Variants in CADM2 observed in about 807,000 individuals in gnomAD.
CADM2 encodes the protein cell adhesion molecule 2.
In CADM2, 12 loss-of-function variants were observed where a neutral mutation model predicts 49.8. The ratio of observed to expected loss-of-function variants is 0.24; its 90% CI spans 0.15 to 0.39. CADM2 has a LOEUF of 0.39. Among genes scored for constraint, CADM2 ranks in the 10% least tolerant of loss-of-function variants. CADM2 has a pLI of 1.00. For synonymous variants in CADM2, 214 were observed against 175.4 expected (o/e 1.22, Z -1.74); for missense variants, 378 against 492.3 (o/e 0.77, Z 2.20).
chr3:85,183,329 C>A (rs2040979704), intron 1 of CADM2, among the ~76,000 whole-genome samples: 1 of 152,084 alleles, frequency 6.6e-6, no homozygotes, highest in African/African-American at 2.4e-5. Context: ...ACACATTTTG[C>A]AATACATTCT....
intron 8 of CADM2, among the ~76,000 whole-genome samples, chr3:86,049,571 A>T (rs1737095411): frequency 3.9e-5 from 6 of 152,084 alleles, no homozygotes; most frequent in African/African-American, 1.2e-4. Flanking sequence ...AAGACTGGGT[A>T]ATTTATAACG....
intron 1 of CADM2, among the ~76,000 whole-genome samples, chr3:85,478,887 T>C (rs1418211634): frequency 6.6e-6 from 1 of 151,946 alleles, no homozygotes; most frequent in African/African-American, 2.4e-5. Context: ...GTTTTAAACA[T>C]TTATCAGTTA....
intron 1 of CADM2, among the ~76,000 whole-genome samples, chr3:85,143,310 C>T (rs1242623560): frequency 6.6e-6 from 1 of 151,984 alleles, no homozygotes; most frequent in Non-Finnish European, 1.5e-5. Flanking sequence ...TAGTGAGTCC[C>T]TGCTTCTACA....
At chr3:85,482,879 A>G (rs1559862527) in intron 1 of CADM2, among the ~76,000 whole-genome samples, 1 of 151,726 alleles carries the variant, frequency 6.6e-6, no homozygotes, top group Admixed American at 6.6e-5. Flanking sequence ...ATTTATTAAT[A>G]AAACTTAATA....
chr3:85,912,961 A>C (rs1238281609), intron 6 of CADM2, among the ~76,000 whole-genome samples: 1 of 152,162 alleles, frequency 6.6e-6, no homozygotes, highest in Non-Finnish European at 1.5e-5. Flanking sequence ...GACTAGTTTT[A>C]CCTTCTCTAT....
At chr3:85,778,463 T>C (rs2070467060) in intron 2 of CADM2, among the ~76,000 whole-genome samples, 1 of 152,082 alleles carries the variant, frequency 6.6e-6, no homozygotes, top group African/African-American at 2.4e-5. Context: ...GGGAGCAGTT[T>C]CTCCCGTGAT....
In CADM2 at chr3:85,327,123, C is replaced by T. The variant is rs185268986; in HGVS notation, c.61+367455C>T. On this transcript the variant is annotated intron_variant, in intron 1 of 9. Coordinates refer to ENST00000383699, the MANE Select transcript of CADM2 (RefSeq NM_001167675.2). ...GGTTGGTGTGGGTTGACAGGAATTA[C>T]ACTGACATGGCTGAGAATTCTATCC... Among the ~76,000 whole-genome samples the T allele has an allele frequency of 3.6e-3, 546 of 151,758 alleles. 5 individuals carry two copies. The highest frequency in any genetic ancestry group is 0.013 in the African/African-American group (524 of 41,372).
intron 1 of CADM2, among the ~76,000 whole-genome samples, chr3:85,481,609 G>C (rs1192955930): frequency 2.6e-5 from 4 of 151,584 alleles, no homozygotes; most frequent in Non-Finnish European, 4.4e-5. Context: ...CGGGTGAGGG[G>C]TTGGGGGTGA....
intron 8 of CADM2, among the ~76,000 whole-genome samples, chr3:86,025,525 TTTCA>T (rs1733803988): frequency 6.6e-6 from 1 of 152,162 alleles, no homozygotes; most frequent in Admixed American, 6.6e-5. Flanking sequence ...ATTCCATGTC[TTTCA>T]TTCACATCTT....
At chr3:84,981,351 C>G (rs1371424596) in intron 1 of CADM2, among the ~76,000 whole-genome samples, 2 of 151,948 alleles carry the variant, frequency 1.3e-5, no homozygotes, top group African/African-American at 4.8e-5. Context: ...CCATAGTCTT[C>G]CATTTTAAAG....
intron 2 of CADM2, among the ~76,000 whole-genome samples, chr3:85,801,383 C>T (rs2072025352): frequency 6.6e-6 from 1 of 151,978 alleles, no homozygotes. Flanking sequence ...CGAGAAACTA[C>T]AGAAAGGAAC....
intron 1 of CADM2, among the ~76,000 whole-genome samples, chr3:85,200,337 C>T (rs932906937): frequency 2.0e-5 from 3 of 152,030 alleles, no homozygotes; most frequent in African/African-American, 7.2e-5. Context: ...ACCGTTTCCA[C>T]TCATTCGGTG....
intron 1 of CADM2, among the ~76,000 whole-genome samples, chr3:85,295,617 A>G (rs888256379): frequency 2.6e-5 from 4 of 152,150 alleles, no homozygotes; most frequent in African/African-American, 4.8e-5. Flanking sequence ...AGCCATAAAA[A>G]TGATGAGTTC....
chr3:85,826,113 A>G (rs1394419321), intron 3 of CADM2, among the ~76,000 whole-genome samples: 1 of 152,072 alleles, frequency 6.6e-6, no homozygotes, highest in African/African-American at 2.4e-5. Flanking sequence ...ATATCATCAC[A>G]TGCTTTTATA....
At chr3:85,776,486 A>C (rs1003488533) in intron 2 of CADM2, among the ~76,000 whole-genome samples, 1 of 152,050 alleles carries the variant, frequency 6.6e-6, no homozygotes, top group Non-Finnish European at 1.5e-5. Context: ...CATGTCTGGC[A>C]TAGGAACTTA....
intron 1 of CADM2, among the ~76,000 whole-genome samples, chr3:85,156,784 A>AG: frequency 6.6e-6 from 1 of 152,342 alleles, no homozygotes; most frequent in South Asian, 2.1e-4. Flanking sequence ...GGCACAAGAC[A>AG]GGGATGCCCT....
intron 5 of CADM2, among the ~76,000 whole-genome samples, chr3:85,896,988 A>G (rs1299649475): frequency 2.6e-5 from 4 of 152,066 alleles, no homozygotes; most frequent in Non-Finnish European, 5.9e-5. Flanking sequence ...TTTCTCATGT[A>G]TCTGTAATGT....
At chr3:85,831,219 T>A (rs1422976603) in intron 3 of CADM2, among the ~76,000 whole-genome samples, 1 of 152,000 alleles carries the variant, frequency 6.6e-6, no homozygotes, top group Non-Finnish European at 1.5e-5. Context: ...TGTACCACAT[T>A]TTCTTTATCC....
At chr3:85,734,976 A>ATGTGTGTGTGTG (rs760487519) in intron 2 of CADM2, among the ~76,000 whole-genome samples, 16 of 113,620 alleles carry the variant, frequency 1.4e-4, no homozygotes, top group African/African-American at 6.7e-4. Context: ...AGAAATATAT[A>ATGTGTGTGTGTG]TATGTGTGTG....
Sources: gnomAD v4.1 joint callset for allele counts (sites outside exome capture counted in the v4.1 genomes callset) on GRCh38, gnomAD v4.1.1 for gene constraint, MANE v1.5 for transcripts, NCBI Gene and HGNC (gene_info 2026-07-23, HGNC 2026-07-21) for gene names.